Variants in GRM2 observed in about 807,000 individuals in gnomAD.
The protein encoded by GRM2 is glutamate metabotropic receptor 2.
GRM2 carries 35 observed loss-of-function variants against 60.4 expected under a neutral mutation model. The ratio of observed to expected loss-of-function variants is 0.58; its 90% CI spans 0.44 to 0.77. The LOEUF (loss-of-function observed/expected upper bound fraction) is 0.77. GRM2 is among the 30% of genes least tolerant of loss of function. The pLI, the probability that GRM2 is intolerant of heterozygous loss-of-function variation, is 0.00. For missense variants in GRM2, 925 were observed against 1,199.5 expected, an observed-to-expected ratio of 0.77 and a Z score of 3.38; for synonymous variants, 437 against 484.1, an observed-to-expected ratio of 0.90 and a Z score of 1.28.
At chr3:51,714,071 G>T (rs1433304873) in intron 3 of GRM2, 1 of 418,318 alleles carries the variant, frequency 2.4e-6, no homozygotes, top group Non-Finnish European at 4.9e-6. Context: ...ATCACCGTGG[G>T]AACAGTGGGA....
Position 51,715,353 on chromosome 3 carries a change from C to A in GRM2, c.1580C>A (p.Pro527His). ...TGCTGGCTCTGCATTCCGTGCCAGC[C>A]CTATGAGTACCGATTGGACGAATTC... ...VCCWLCIPCQPYEYRLDEFTC... is the reference protein window; with the variant it reads ...VCCWLCIPCQHYEYRLDEFTC... Residue 527 changes from proline (P) to histidine (H), a missense_variant, in exon 4 of 6, where the codon CCC becomes CAC. Transcript: ENST00000395052. The surrounding 1 kb of genome is among the most constrained non-coding windows in gnomAD (Gnocchi z 9.0). 6.2e-7 allele frequency: 1 copy of A among 1,613,776 alleles called. No homozygotes were observed. Among genetic ancestry groups the A allele is most frequent in the Non-Finnish European group, 8.5e-7 (1 of 1,180,032 alleles).
At position 51,709,032 on chromosome 3, in the gene GRM2, G is replaced by A. The variant is rs747960529; in HGVS notation, c.49G>A (p.Val17Met). ...GGCACTGCTGCTGCTGTGGGGTGCT[G>A]TGGCTGAGGGCCCAGCCAAGAAGGT... is the stretch of plus-strand genomic sequence containing the variant. The part of the protein sequence containing the change: ...LLALLLLWGA[V>M]AEGPAKKVLT... Residue 17 changes from valine (V) to methionine (M), a missense_variant, in exon 2 of 6, where the codon GTG (valine) becomes ATG (methionine). Val to Met is a conservative substitution (Grantham distance 21, BLOSUM62 1). Coordinates refer to ENST00000395052, the MANE Select transcript of GRM2 (RefSeq NM_000839.5). 9 of 1,599,082 alleles carry A rather than the reference G, an allele frequency of 5.6e-6. No homozygotes were observed. The Admixed American group carries it at 6.7e-5, about 12-fold the overall frequency.
Position 51,715,578 on chromosome 3 carries a change from G to C in GRM2, c.1805G>C (p.Gly602Ala). Residue 602 changes from glycine to alanine, a missense_variant, in exon 4 of 6, where the codon GGT becomes GCT. Gly to Ala is a moderately conservative substitution (Grantham distance 60). Coordinates refer to ENST00000395052, the MANE Select transcript of GRM2 (RefSeq NM_000839.5). This position sits in a 1 kb window ranked among gnomAD's most constrained non-coding sequence, Gnocchi z 9.0. The stretch of plus-strand genomic sequence containing the variant: ...GCCACACCAGTGGTCAAGGCCTCAG[G>C]TCGGGAGCTCTGCTACATCCTGCTG... Reference protein sequence around the residue: ...HNATPVVKASGRELCYILLGG... With the variant: ...HNATPVVKASARELCYILLGG... 1.2e-6 allele frequency: 2 copies of C among 1,614,150 alleles called. No homozygotes were observed. Among genetic ancestry groups the C allele is most frequent in the Non-Finnish European group, 1.7e-6 (2 of 1,180,050 alleles).
chr3:51,709,335 C>T lies in GRM2; in HGVS notation c.352C>T (p.Arg118Cys), dbSNP rs2107086543. 3 of 1,600,568 alleles carry T rather than the reference C, an allele frequency of 1.9e-6. No homozygotes were observed. The highest frequency in any genetic ancestry group is 2.6e-6 in the Non-Finnish European group (3 of 1,169,816). ...ASLSRGADGSRHICPDGSYAT... is the reference protein window; with the variant it reads ...ASLSRGADGSCHICPDGSYAT... ...ACTCAGCCGTGGTGCTGATGGCTCA[C>T]GCCACATCTGCCCCGACGGCTCTTA... The change falls in exon 2 of 6, where the codon CGC becomes TGC. Residue 118 changes from arginine (R) to cysteine (C), a missense_variant. Transcript: ENST00000395052.
At position 51,717,829 on chromosome 3, in the gene GRM2, A is replaced by C. The variant is rs1703960345; in HGVS notation, c.2545+12A>C. On this transcript the variant is annotated intron_variant, in intron 5 of 5. Transcript: ENST00000395052. The surrounding 1 kb of genome is among the most constrained non-coding windows in gnomAD (Gnocchi z 6.0). ...CAGCCTTGGCCAAGGTCAGTGTCCT[A>C]AGCAGCCCTCTCTGCCTGTTCCCCT... The C allele has an allele frequency of 2.5e-6, 4 of 1,611,960 alleles. No homozygotes were observed.
At chr3:51,714,036 A>C (rs1305245818) in intron 3 of GRM2, 6 of 450,312 alleles carry the variant, frequency 1.3e-5, no homozygotes, top group Admixed American at 1.2e-4. Flanking sequence ...TGACTGCTGC[A>C]GATCATCACT....
rs1342483828 is a variant in GRM2 at position 51,709,277 on chromosome 3, G to A, written c.294G>A (p.Ala98=). ...ACAGTTGCTCCAAGGACACACATGCGCTGGAGCAGGCACTGGACTTTGTGC... is the reference window on the plus strand; with the variant it reads ...ACAGTTGCTCCAAGGACACACATGCACTGGAGCAGGCACTGGACTTTGTGC... The part of the protein sequence containing the change: ...ILDSCSKDTH[A]LEQALDFVRA... Residue 98 remains alanine, a synonymous_variant, in exon 2 of 6, where the codon GCG becomes GCA. Transcript: ENST00000395052. 4 of 1,604,594 alleles carry A rather than the reference G, an allele frequency of 2.5e-6. No individual in the cohort carries two copies. Among genetic ancestry groups the A allele is most frequent in the African/African-American group, 1.3e-5 (1 of 74,894 alleles).
In GRM2 at chr3:51,713,744, T is replaced by TTTTC. The variant is rs113498271; in HGVS notation, c.1288+458_1288+461dup. ...GTCTTTCTTTTTTCTTTTCTTTCTT[T>TTTTC]TTTCTTTCTTTCTTTCTTTCTTTCT... On this transcript the variant is annotated intron_variant, in intron 3 of 5. Transcript: ENST00000395052. The surrounding 1 kb of genome is among the most constrained non-coding windows in gnomAD (Gnocchi z 4.8). The TTTTC allele has an allele frequency of 0.069, 15,854 of 230,666 alleles. 896 individuals carry two copies. Among genetic ancestry groups the TTTTC allele is most frequent in the African/African-American group, 0.16 (6,679 of 42,124 alleles). The allele number at this position is 230,666 out of a possible 1,614,324, so 14.3% of individuals were successfully genotyped here.
In GRM2 at chr3:51,716,226, G is replaced by A. The variant is rs1703895442; in HGVS notation, c.2364+89G>A. ...TATTTAATCTACTGGTAGCTCTGGGGTTCCAAGAGGATAATGCCCACTCAG... is the reference window on the plus strand; with the variant it reads ...TATTTAATCTACTGGTAGCTCTGGGATTCCAAGAGGATAATGCCCACTCAG... On this transcript the variant is annotated intron_variant, in intron 4 of 5. Coordinates refer to ENST00000395052, the MANE Select transcript of GRM2 (RefSeq NM_000839.5). This position sits in a 1 kb window ranked among gnomAD's most constrained non-coding sequence, Gnocchi z 4.0. 1 of 888,094 alleles carries A rather than the reference G, an allele frequency of 1.1e-6. No individual in the cohort carries two copies. The highest frequency in any genetic ancestry group is 2.6e-5 in the East Asian group (1 of 38,790). 55.0% of individuals were successfully genotyped at this position (888,094 alleles called of 1,614,324 possible).
At chr3:51,707,502 T>G (rs1236480596) in intron 1 of GRM2, 1 of 153,626 alleles carries the variant, frequency 6.5e-6, no homozygotes, top group Non-Finnish European at 1.5e-5. Context: ...GCTGTCTGAC[T>G]CCGGGTTTCT....
chr3:51,716,050 C>T lies in GRM2; in HGVS notation c.2277C>T (p.Ala759=). The part of the protein sequence containing the change: ...TRKCPENFNE[A]KFIGFTMYTT... The stretch of plus-strand genomic sequence containing the variant: ...AGTGCCCCGAAAACTTCAACGAGGC[C>T]AAGTTCATTGGCTTCACCATGTACA... The change falls in exon 4 of 6, where the codon GCC becomes GCT. Residue 759 remains alanine (A), a synonymous_variant. Transcript: ENST00000395052. The surrounding 1 kb of genome is among the most constrained non-coding windows in gnomAD (Gnocchi z 4.0). 1.2e-6 allele frequency: 2 copies of T among 1,614,224 alleles called. No individual in the cohort carries two copies. The highest frequency in any genetic ancestry group is 1.7e-6 in the Non-Finnish European group (2 of 1,180,026).
Position 51,717,214 on chromosome 3 carries a change from C to T in GRM2, c.2365-423C>T, listed in dbSNP as rs1703932758. ...ATACACACACTCGCTGGCACACACA[C>T]ATATATCTTCCTGACAAATGAATCC... On this transcript the variant is annotated intron_variant, in intron 4 of 5. Transcript: ENST00000395052. This position sits in a 1 kb window ranked among gnomAD's most constrained non-coding sequence, Gnocchi z 6.0. Among the ~76,000 whole-genome samples the T allele has an allele frequency of 6.6e-6, 1 of 152,028 alleles. No homozygotes were observed. The highest frequency in any genetic ancestry group is 2.4e-5 in the African/African-American group (1 of 41,366).
chr3:51,715,607 G>A lies in GRM2; in HGVS notation c.1834G>A (p.Gly612Ser), dbSNP rs756685870. 7.4e-6 allele frequency: 12 copies of A among 1,614,230 alleles called. No individual in the cohort carries two copies. The highest frequency in any genetic ancestry group is 1.1e-5 in the South Asian group (1 of 91,088). ...GGAGCTCTGCTACATCCTGCTGGGTGGTGTCTTCCTCTGCTACTGCATGAC... is the reference window on the plus strand; with the variant it reads ...GGAGCTCTGCTACATCCTGCTGGGTAGTGTCTTCCTCTGCTACTGCATGAC... ...GRELCYILLG[G>S]VFLCYCMTFI... Residue 612 changes from glycine to serine, a missense_variant, in exon 4 of 6, where the codon GGT becomes AGT. By Grantham distance (56) the Gly-to-Ser change is moderately conservative. Coordinates refer to ENST00000395052, the MANE Select transcript of GRM2 (RefSeq NM_000839.5). This position sits in a 1 kb window ranked among gnomAD's most constrained non-coding sequence, Gnocchi z 9.0.
chr3:51,718,139 G>C lies in GRM2; in HGVS notation c.*27G>C, dbSNP rs1703972257. On this transcript the variant is annotated 3_prime_UTR_variant, in exon 6 of 6. Coordinates refer to ENST00000395052, the MANE Select transcript of GRM2 (RefSeq NM_000839.5). This position sits in a 1 kb window ranked among gnomAD's most constrained non-coding sequence, Gnocchi z 4.2. Reference sequence around the variant, plus strand: ...GACCCCATACTCCCGCCCTGACACAGCTGCTCCTGGGAACCTAGTGCAGAC... The same window carrying C: ...GACCCCATACTCCCGCCCTGACACACCTGCTCCTGGGAACCTAGTGCAGAC... 2 of 1,601,132 alleles carry C rather than the reference G, an allele frequency of 1.2e-6. No homozygotes were observed.
In GRM2 at chr3:51,712,974, G is replaced by T; in HGVS notation, c.952G>T (p.Glu318Ter). ...GGCTGCTGAGGGTGCTATCACCATC[G>T]AGCTGGCCTCCTACCCCATCAGTGA... ...EGAAEGAITI[E>*]LASYPISDFA... The change falls in exon 3 of 6, where the codon GAG becomes TAG. Residue 318 changes from glutamate to a stop codon, truncating the protein, a stop_gained. Coordinates refer to ENST00000395052, the MANE Select transcript of GRM2 (RefSeq NM_000839.5). LOFTEE classifies it high-confidence loss of function. The surrounding 1 kb of genome is among the most constrained non-coding windows in gnomAD (Gnocchi z 5.3). 1 of 1,613,228 alleles carries T rather than the reference G, an allele frequency of 6.2e-7. No homozygotes were observed. The highest frequency in any genetic ancestry group is 8.5e-7 in the Non-Finnish European group (1 of 1,180,042).
Position 51,712,536 on chromosome 3 carries a change from C to G in GRM2, c.514C>G (p.Leu172Val). 2 of 1,614,168 alleles carry G rather than the reference C, an allele frequency of 1.2e-6. No homozygotes were observed. Among genetic ancestry groups the G allele is most frequent in the Non-Finnish European group, 1.7e-6 (2 of 1,180,026 alleles). The change falls in exon 3 of 6, where the codon CTG (leucine) becomes GTG (valine). Residue 172 changes from leucine to valine, a missense_variant. Physicochemically the swap from Leu to Val is conservative, Grantham distance 32. Transcript: ENST00000395052. This position sits in a 1 kb window ranked among gnomAD's most constrained non-coding sequence, Gnocchi z 5.3. ...QISYASTSAK[L>V]SDKSRYDYFA... ...TAGCTACGCCTCTACCAGTGCCAAGCTGAGTGACAAGTCCCGCTATGACTA... is the reference window on the plus strand; with the variant it reads ...TAGCTACGCCTCTACCAGTGCCAAGGTGAGTGACAAGTCCCGCTATGACTA...
chr3:51,717,120 G>GCATGCA lies in GRM2; in HGVS notation c.2365-515_2365-514insTGCACA, dbSNP rs1553701496. Among the ~76,000 whole-genome samples the GCATGCA allele has an allele frequency of 3.3e-5, 5 of 150,082 alleles. No homozygotes were observed. Among genetic ancestry groups the GCATGCA allele is most frequent in the South Asian group, 4.2e-4 (2 of 4,738 alleles). On this transcript the variant is annotated intron_variant, in intron 4 of 5. Coordinates refer to ENST00000395052, the MANE Select transcript of GRM2 (RefSeq NM_000839.5). The surrounding 1 kb of genome is among the most constrained non-coding windows in gnomAD (Gnocchi z 6.0). ...ACACACACCGTACCCACACATGCATGCACACACACACACACACTTGTACAC... is the reference window on the plus strand; with the variant it reads ...ACACACACCGTACCCACACATGCATGCATGCACACACACACACACACACTTGTACAC...
Position 51,718,226 on chromosome 3 carries a change from G to A in GRM2, c.*114G>A, listed in dbSNP as rs1383596169. ...TGCAATAATTTATTACCCACCCTAT[G>A]TCTGCCCCCAAAGTCACTTACCCAC... On this transcript the variant is annotated 3_prime_UTR_variant, in exon 6 of 6. Coordinates refer to ENST00000395052, the MANE Select transcript of GRM2 (RefSeq NM_000839.5). This position sits in a 1 kb window ranked among gnomAD's most constrained non-coding sequence, Gnocchi z 4.2. 1 of 883,104 alleles carries A rather than the reference G, an allele frequency of 1.1e-6. No individual in the cohort carries two copies. Among genetic ancestry groups the A allele is most frequent in the Non-Finnish European group, 1.9e-6 (1 of 520,110 alleles). 54.7% of individuals were successfully genotyped at this position (883,104 alleles called of 1,614,324 possible). A position where few individuals can be genotyped will look rare whatever the true frequency, so the allele number is the denominator to read the frequency against.
chr3:51,715,893 A>G lies in GRM2; in HGVS notation c.2120A>G (p.Lys707Arg). Residue 707 changes from lysine to arginine, a missense_variant, in exon 4 of 6, where the codon AAG (lysine) becomes AGG (arginine). Coordinates refer to ENST00000395052, the MANE Select transcript of GRM2 (RefSeq NM_000839.5). This position sits in a 1 kb window ranked among gnomAD's most constrained non-coding sequence, Gnocchi z 9.0. ...GTGGTGGAGGCACCGGGCACAGGCA[A>G]GGAGACAGCCCCCGAACGGCGGGAG... ...WLVVEAPGTGKETAPERREVV... is the reference protein window; with the variant it reads ...WLVVEAPGTGRETAPERREVV... 5 of 1,613,546 alleles carry G rather than the reference A, an allele frequency of 3.1e-6. No homozygotes were observed. Among genetic ancestry groups the G allele is most frequent in the East Asian group, 2.2e-5 (1 of 44,872 alleles).
Sources: allele counts gnomAD v4.1 joint callset (sites outside exome capture counted in the v4.1 genomes callset), GRCh38; gene constraint gnomAD v4.1.1; non-coding constraint Gnocchi (gnomAD v3.1); transcripts MANE v1.5; gene names NCBI Gene and HGNC (gene_info 2026-07-23, HGNC 2026-07-21).